USP42: variants seen among roughly 807,000 people sequenced by gnomAD.
USP42 encodes ubiquitin specific peptidase 42.
USP42 carries 23 observed loss-of-function variants against 113.0 expected under a neutral mutation model. The ratio of observed to expected loss-of-function variants is 0.20; its 90% CI spans 0.15 to 0.29. USP42 has a LOEUF of 0.29. Among genes scored for constraint, USP42 ranks in the 10% least tolerant of loss-of-function variants. USP42 has a pLI of 1.00. For missense variants in USP42, 2,174 were observed against 1,779.8 expected (o/e 1.22, Z -3.99); for synonymous variants, 933 against 699.0 (o/e 1.33, Z -5.28).
At chr7:6,096,316 C>G in the USP42 span, among the ~76,000 whole-genome samples, 1 of 151,164 alleles carries the variant, frequency 6.6e-6, no homozygotes, top group Non-Finnish European at 1.5e-5. Flanking sequence ...TGGGAGTATT[C>G]TCCAAAGCAG....
At position 6,135,852 on chromosome 7, in the gene USP42, G is replaced by A. The variant is rs747741283; in HGVS notation, c.454G>A (p.Gly152Ser). 2 of 1,597,760 alleles carry A rather than the reference G, an allele frequency of 1.3e-6. No individual in the cohort carries two copies. The highest frequency in any genetic ancestry group is 1.7e-6 in the Non-Finnish European group (2 of 1,173,830). The part of the protein sequence containing the change: ...HEHSKTCHAE[G>S]FCMMCTMQAH... ...CATCTATCTTTCAGGTCATGCAGAA[G>A]GCTTTTGTATGATGTGTACAATGCA... Residue 152 changes from glycine to serine, a missense_variant, in exon 4 of 18, where the codon GGC becomes AGC. Transcript: ENST00000306177.
chr7:6,140,235 T>C, intron 6 of USP42, 40 bp downstream of exon 6: 1 of 1,568,836 alleles, frequency 6.4e-7, no homozygotes, highest in South Asian at 1.1e-5. Flanking sequence ...GATACACACA[T>C]GTGGTTAAAA....
intron 7 of USP42, among the ~76,000 whole-genome samples, chr7:6,141,817 G>A (rs1484575439): frequency 6.6e-6 from 1 of 152,122 alleles, no homozygotes; most frequent in East Asian, 1.9e-4. Context: ...AATGAGTAAC[G>A]TTGCAGATAT....
At chr7:6,148,374 T>C (rs1781841125) in intron 12 of USP42, among the ~76,000 whole-genome samples, 1 of 152,066 alleles carries the variant, frequency 6.6e-6, no homozygotes, top group Non-Finnish European at 1.5e-5. Flanking sequence ...CCCCAAAATA[T>C]ACAGCAAACC....
chr7:6,150,533 G>T (rs770718036), intron 14 of USP42, 27 bp downstream of exon 14: 2 of 1,599,518 alleles, frequency 1.3e-6, no homozygotes, highest in African/African-American at 1.3e-5. Flanking sequence ...TCTGAGGCAC[G>T]TGTGGCAGCA....
At chr7:6,105,927 A>G (rs1436228763) in intron 1 of USP42, among the ~76,000 whole-genome samples, 1 of 152,176 alleles carries the variant, frequency 6.6e-6, no homozygotes, top group Non-Finnish European at 1.5e-5. Context: ...TGTAAAGTCA[A>G]TACCCTGACA....
Position 6,158,272 on chromosome 7 carries a change from A to T in USP42, c.3944-1178A>T, listed in dbSNP as rs951509822. On this transcript the variant is annotated intron_variant, in intron 16 of 17. Transcript: ENST00000306177. The surrounding 1 kb of genome is among the most constrained non-coding windows in gnomAD (Gnocchi z 4.2). Reference sequence around the variant, plus strand: ...GGTGAGTGGCTGCGGCAGGGCAGGGACCGTGTGGCTCGCAAAGCGGAAAAT... The same window carrying T: ...GGTGAGTGGCTGCGGCAGGGCAGGGTCCGTGTGGCTCGCAAAGCGGAAAAT... Among the ~76,000 whole-genome samples the T allele has an allele frequency of 6.6e-6, 1 of 152,144 alleles. No homozygotes were observed. Among genetic ancestry groups the T allele is most frequent in the Non-Finnish European group, 1.5e-5 (1 of 68,024 alleles).
intron 1 of USP42, among the ~76,000 whole-genome samples, chr7:6,108,796 A>AT (rs988327758): frequency 6.6e-6 from 1 of 152,132 alleles, no homozygotes; most frequent in African/African-American, 2.4e-5. Flanking sequence ...TAAAAAAAAA[A>AT]TTTTTTAAGG....
chr7:6,147,955 C>A (rs1781818298), intron 12 of USP42, 63 bp downstream of exon 12: 2 of 1,496,406 alleles, frequency 1.3e-6, no homozygotes, highest in Admixed American at 1.9e-5. Context: ...TTCAAACTCT[C>A]AAGTTGAATT....
chr7:6,156,744 C>T lies in USP42; in HGVS notation c.3642-10C>T. 1 of 1,523,854 alleles carries T rather than the reference C, an allele frequency of 6.6e-7. No individual in the cohort carries two copies. The highest frequency in any genetic ancestry group is 2.3e-5 in the East Asian group (1 of 43,880). The allele number at this position is 1,523,854 out of a possible 1,614,324, so 94.4% of individuals were successfully genotyped here. Reference sequence around the variant, plus strand: ...TTTAGGGTTTTGAATTCTGGCTTTTCCTTCTGCAGGCATCAGCAGGACTCA... The same window carrying T: ...TTTAGGGTTTTGAATTCTGGCTTTTTCTTCTGCAGGCATCAGCAGGACTCA... On this transcript the variant is annotated splice_polypyrimidine_tract_variant and intron_variant, in intron 15 of 17. Transcript: ENST00000306177.
upstream of USP42, among the ~76,000 whole-genome samples, chr7:6,102,255 C>G (rs1451299284): frequency 2.0e-5 from 3 of 149,354 alleles, no homozygotes; most frequent in African/African-American, 7.6e-5. Flanking sequence ...GCTGGGATTA[C>G]AGGTGCCATC....
chr7:6,100,842 AT>A (rs1381321483), upstream of USP42, among the ~76,000 whole-genome samples: 5 of 149,840 alleles, frequency 3.3e-5, 1 homozygote, highest in Non-Finnish European at 7.4e-5. Flanking sequence ...AATTTTTTGT[AT>A]TTTTAGAAGA....
intron 1 of USP42, among the ~76,000 whole-genome samples, chr7:6,109,269 T>C (rs1446351586): frequency 6.6e-6 from 1 of 152,118 alleles, no homozygotes; most frequent in African/African-American, 2.4e-5. Flanking sequence ...GACTTCAGCA[T>C]GGTGGGAACG....
chr7:6,133,548 T>C (rs1206297926), intron 3 of USP42, among the ~76,000 whole-genome samples: 1 of 152,230 alleles, frequency 6.6e-6, no homozygotes, highest in Non-Finnish European at 1.5e-5. Context: ...AGGATCTTAC[T>C]CTGTCACCCA....
the USP42 span, among the ~76,000 whole-genome samples, chr7:6,096,960 G>C: frequency 6.8e-6 from 1 of 146,840 alleles, no homozygotes; most frequent in Non-Finnish European, 1.5e-5. Context: ...GTCTTCCTCT[G>C]TCATCCATGC....
the USP42 span, among the ~76,000 whole-genome samples, chr7:6,089,792 A>C: frequency 6.7e-6 from 1 of 150,270 alleles, no homozygotes; most frequent in East Asian, 2.0e-4. Flanking sequence ...TGGCCTCCCA[A>C]AGTGCTGGGA....
chr7:6,096,544 G>A, the USP42 span, among the ~76,000 whole-genome samples: 4 of 151,298 alleles, frequency 2.6e-5, no homozygotes, highest in Non-Finnish European at 4.4e-5. Flanking sequence ...TCATCTGTAC[G>A]TTGTTGGGGT....
intron 4 of USP42, among the ~76,000 whole-genome samples, chr7:6,138,091 C>A (rs1219111614): frequency 6.6e-6 from 1 of 152,104 alleles, no homozygotes; most frequent in East Asian, 1.9e-4. Context: ...CTGATACACA[C>A]ATGGTTCAGT....
intron 15 of USP42, among the ~76,000 whole-genome samples, chr7:6,156,490 C>T (rs1211169424): frequency 1.3e-5 from 2 of 152,154 alleles, no homozygotes; most frequent in African/African-American, 4.8e-5. Context: ...TGCTCTGTTG[C>T]CCAGGCTGGA....
Sources: allele counts gnomAD v4.1 joint callset (sites outside exome capture counted in the v4.1 genomes callset), GRCh38; gene constraint gnomAD v4.1.1; non-coding constraint Gnocchi (gnomAD v3.1); transcripts MANE v1.5; gene names NCBI Gene and HGNC (gene_info 2026-07-23, HGNC 2026-07-21).